Variants in ATXN2 observed in about 807,000 individuals in gnomAD.
ATXN2 encodes the protein ataxin-2.
A neutral mutation model predicts 138.6 loss-of-function variants in ATXN2; 37 were observed. That is an observed-to-expected ratio of 0.27 (90% CI 0.21 to 0.35). The LOEUF (loss-of-function observed/expected upper bound fraction) is 0.35, where lower values mean the gene tolerates loss of function less well. ATXN2 is among the 10% of genes least tolerant of loss of function. The probability of loss-of-function intolerance (pLI) is 1.00; values close to 1 mark genes in which losing one functional copy is unlikely to be tolerated. For missense variants in ATXN2, 1,216 were observed against 1,480.3 expected, an observed-to-expected ratio of 0.82 and a Z score of 2.93; for synonymous variants, 549 against 543.7, an observed-to-expected ratio of 1.01 and a Z score of -0.13.
At position 111,599,290 on chromosome 12, in the gene ATXN2, G is replaced by C. The variant is rs1315658955; in HGVS notation, c.-256C>G. 8.8e-6 allele frequency: 10 copies of C among 1,131,872 alleles called. No homozygotes were observed. Among genetic ancestry groups the C allele is most frequent in the African/African-American group, 1.7e-5 (1 of 59,676 alleles). The allele number at this position is 1,131,872 out of a possible 1,614,324, so 70.1% of individuals were successfully genotyped here. A position where few individuals can be genotyped will look rare whatever the true frequency, so the allele number is the denominator to read the frequency against. On this transcript the variant is annotated 5_prime_UTR_variant, in exon 1 of 25. Transcript: ENST00000673436. ...CGCCGTTGCCGTTGCTACCAAAACA[G>C]TCTGAGGCGGAGGGAGGCGAGCTCT...
In ATXN2 at chr12:111,569,216, G is replaced by C. The variant is rs549754992; in HGVS notation, c.252-13297C>G. Among the ~76,000 whole-genome samples, 4 of 152,112 alleles carry C rather than the reference G, an allele frequency of 2.6e-5. No individual in the cohort carries two copies. In the South Asian group the frequency reaches 8.3e-4, roughly 32 times the overall value. On this transcript the variant is annotated intron_variant, in intron 1 of 24. Transcript: ENST00000673436. ...CTGTGGCCTTAATCCTGTGACTTCA[G>C]CTCTCTGTGTTTCAATTTCAACATC...
chr12:111,553,197 A>C (rs986119187), intron 3 of ATXN2, among the ~76,000 whole-genome samples: 1 of 152,162 alleles, frequency 6.6e-6, no homozygotes, highest in African/African-American at 2.4e-5. Flanking sequence ...TTAATACTGA[A>C]GTCAAACATT....
At chr12:111,556,718 A>G (rs1481994198) in intron 1 of ATXN2, among the ~76,000 whole-genome samples, 1 of 151,970 alleles carries the variant, frequency 6.6e-6, no homozygotes, top group African/African-American at 2.4e-5. Flanking sequence ...AGGGAGGCTG[A>G]GGCAGAAGAA....
intron 18 of ATXN2, among the ~76,000 whole-genome samples, chr12:111,482,006 T>C (rs1241060296): frequency 6.6e-6 from 1 of 151,920 alleles, no homozygotes; most frequent in Non-Finnish European, 1.5e-5. Context: ...GCATTACTCA[T>C]TGCCAGAAAA....
chr12:111,476,842 C>G (rs1461695833), intron 18 of ATXN2, among the ~76,000 whole-genome samples: 3 of 152,142 alleles, frequency 2.0e-5, no homozygotes, highest in African/African-American at 7.2e-5. Flanking sequence ...CAATCCCAAG[C>G]TGATTCTAAA....
At chr12:111,558,218 C>T (rs1486568494) in intron 1 of ATXN2, among the ~76,000 whole-genome samples, 1 of 152,206 alleles carries the variant, frequency 6.6e-6, no homozygotes, top group Admixed American at 6.5e-5. Flanking sequence ...GCAGTATTCT[C>T]TGAAATCCAC....
At chr12:111,554,305 A>C (rs370853412) in intron 2 of ATXN2, 88 bp from the exon 3 acceptor site, 2 of 931,252 alleles carry the variant, frequency 2.1e-6, no homozygotes, top group Non-Finnish European at 1.5e-6. Context: ...GAAGTATTTT[A>C]GACTGCGGAT....
At chr12:111,557,179 T>A (rs1435276145) in intron 1 of ATXN2, among the ~76,000 whole-genome samples, 1 of 152,224 alleles carries the variant, frequency 6.6e-6, no homozygotes, top group Non-Finnish European at 1.5e-5. Flanking sequence ...AATCTCATTT[T>A]AATAAAATAA....
rs1470366696 is a variant in ATXN2 at position 111,452,293 on chromosome 12, CCTTAA to C, written c.*514_*518del. 5 of 151,776 alleles carry C rather than the reference CCTTAA, an allele frequency of 3.3e-5. No homozygotes were observed. The highest frequency in any genetic ancestry group is 6.6e-5 in the Admixed American group (1 of 15,208). 9.4% of individuals were successfully genotyped at this position (151,776 alleles called of 1,614,324 possible). A position where few individuals can be genotyped will look rare whatever the true frequency, so the allele number is the denominator to read the frequency against. On this transcript the variant is annotated 3_prime_UTR_variant, in exon 25 of 25. Transcript: ENST00000673436. ...ATTATCTACAAAGTAAAAGTTTTTC[CCTTAA>C]CTTAAAAGTTGAACCACTGTAGACA...
chr12:111,539,278 A>C (rs187608781), intron 5 of ATXN2, among the ~76,000 whole-genome samples: 11 of 149,682 alleles, frequency 7.3e-5, no homozygotes, highest in African/African-American at 2.7e-4. Flanking sequence ...TGGGCTCAGG[A>C]GTTCAAGACA....
intron 5 of ATXN2, among the ~76,000 whole-genome samples, chr12:111,542,910 A>C (rs1245925330): frequency 6.6e-6 from 1 of 152,140 alleles, no homozygotes; most frequent in Non-Finnish European, 1.5e-5. Context: ...AAATGAAGTT[A>C]TTGTTCTGAC....
chr12:111,592,261 G>A (rs1884706536), intron 1 of ATXN2, among the ~76,000 whole-genome samples: 1 of 151,524 alleles, frequency 6.6e-6, no homozygotes, highest in Non-Finnish European at 1.5e-5. Flanking sequence ...ATGGTGGCGG[G>A]TGCCTGTAAT....
At chr12:111,523,898 G>T (rs767773533) in intron 6 of ATXN2, among the ~76,000 whole-genome samples, 1 of 151,210 alleles carries the variant, frequency 6.6e-6, no homozygotes, top group Non-Finnish European at 1.5e-5. Flanking sequence ...CCCTGTCTCT[G>T]CAGAAAAAGA....
At chr12:111,508,748 C>G (rs1470706707) in intron 14 of ATXN2, among the ~76,000 whole-genome samples, 2 of 152,022 alleles carry the variant, frequency 1.3e-5, no homozygotes. Context: ...TGCCCGCCAA[C>G]AAATGAAAAC....
In ATXN2 at chr12:111,470,201, T is replaced by C. The variant is rs1452962320; in HGVS notation, c.2749A>G (p.Arg917Gly). The part of the protein sequence containing the change: ...VYSPVIQGNA[R>G]MMAPPTHAQP... ...GCGTGTGTTGGTGGTGCCATCATTC[T>C]AGCATTACCCTGTATTACAGGACTA... is the stretch of plus-strand genomic sequence containing the variant. Residue 917 changes from arginine (R) to glycine (G), a missense_variant, in exon 20 of 25, where the codon AGA becomes GGA. By Grantham distance (125) the Arg-to-Gly change is moderately radical. Transcript: ENST00000673436. 6.2e-7 allele frequency: 1 copy of C among 1,614,188 alleles called. No individual in the cohort carries two copies. Among genetic ancestry groups the C allele is most frequent in the East Asian group, 2.2e-5 (1 of 44,888 alleles).
At chr12:111,524,715 A>C (rs139365888) in intron 6 of ATXN2, among the ~76,000 whole-genome samples, 20 of 152,378 alleles carry the variant, frequency 1.3e-4, no homozygotes, top group African/African-American at 4.6e-4. Context: ...CAAGAAATTT[A>C]TGTAATGCTT....
At chr12:111,512,852 G>A (rs1879621777) in intron 11 of ATXN2, 1 of 152,332 alleles carries the variant, frequency 6.6e-6, no homozygotes, top group Non-Finnish European at 1.5e-5. Flanking sequence ...TCCTTATTAT[G>A]GAAATATAGT....
At chr12:111,581,162 A>T (rs1883984358) in intron 1 of ATXN2, among the ~76,000 whole-genome samples, 1 of 151,252 alleles carries the variant, frequency 6.6e-6, no homozygotes. Flanking sequence ...AAAGAAATGT[A>T]TTAGAAATAA....
chr12:111,528,836 C>T (rs543515460), intron 5 of ATXN2, among the ~76,000 whole-genome samples: 23 of 152,302 alleles, frequency 1.5e-4, no homozygotes, highest in African/African-American at 5.1e-4. Context: ...GCCAACATTG[C>T]ATCATTAGCT....
Sources: gnomAD v4.1 joint callset for allele counts (sites outside exome capture counted in the v4.1 genomes callset) on GRCh38, gnomAD v4.1.1 for gene constraint, MANE v1.5 for transcripts, NCBI Gene and HGNC (gene_info 2026-07-23, HGNC 2026-07-21) for gene names.